IGSF21: variants seen among roughly 807,000 people sequenced by gnomAD.
IGSF21 encodes immunoglobin superfamily member 21.
Under a neutral mutation model 46.8 loss-of-function variants are expected in IGSF21, and 28 were observed. The observed-to-expected ratio is 0.60, with a 90% CI of 0.44 to 0.82. The LOEUF is 0.82. IGSF21 is among the 40% of genes least tolerant of loss of function. The probability of loss-of-function intolerance (pLI) is 0.00; values close to 1 mark genes in which losing one functional copy is unlikely to be tolerated. For missense variants in IGSF21, 624 were observed against 665.5 expected (o/e 0.94, Z 0.69); for synonymous variants, 284 against 273.6 (o/e 1.04, Z -0.38).
In IGSF21 at chr1:18,335,316, C is replaced by A. The variant is rs1242514939; in HGVS notation, c.424+306C>A. 6.6e-6 allele frequency among the ~76,000 whole-genome samples: 1 copy of A among 152,232 alleles called. No homozygotes were observed. Among genetic ancestry groups the A allele is most frequent in the Admixed American group, 6.5e-5 (1 of 15,288 alleles). ...CCTCAGCCGAGATGCACACCTGCTG[C>A]AGAGGGAACTATTCTGCCCCTCAGC... On this transcript the variant is annotated intron_variant, in intron 4 of 9. Transcript: ENST00000251296. This position sits in a 1 kb window ranked among gnomAD's most constrained non-coding sequence, Gnocchi z 4.8.
Position 18,281,120 on chromosome 1 carries a change from CGAATGAAT to C in IGSF21, c.184-10730_184-10723del, listed in dbSNP as rs10652866. Among the ~76,000 whole-genome samples the C allele has an allele frequency of 1.1e-4, 12 of 110,784 alleles. No homozygotes were observed. In the Admixed American group the frequency reaches 1.1e-3, roughly 11 times the overall value. The allele number at this position is 110,784 out of a possible 152,430, so 72.7% of individuals were successfully genotyped here. A position where few individuals can be genotyped will look rare whatever the true frequency, so the allele number is the denominator to read the frequency against. The stretch of plus-strand genomic sequence containing the variant: ...AGGTGTTTATGAATGAAGAAATGAA[CGAATGAAT>C]GAATGAATGAATGAACAGGCAAGTG... On this transcript the variant is annotated intron_variant, in intron 2 of 9. Transcript: ENST00000251296.
At chr1:18,249,929 C>T (rs916893672) in intron 2 of IGSF21, among the ~76,000 whole-genome samples, 6 of 152,248 alleles carry the variant, frequency 3.9e-5, no homozygotes, top group Admixed American at 2.0e-4. Flanking sequence ...ACTCTGCTGC[C>T]GGCTCTGCCA....
intron 1 of IGSF21, among the ~76,000 whole-genome samples, chr1:18,185,073 C>T (rs2086890932): frequency 1.3e-5 from 2 of 152,212 alleles, no homozygotes; most frequent in Non-Finnish European, 2.9e-5. Flanking sequence ...GTCATAATTA[C>T]TCATGCATGG....
chr1:18,248,295 A>T (rs2084803637), intron 2 of IGSF21, among the ~76,000 whole-genome samples: 1 of 152,216 alleles, frequency 6.6e-6, no homozygotes, highest in Non-Finnish European at 1.5e-5. Flanking sequence ...ACTGCAACGC[A>T]TTTCGAGCTG....
intron 1 of IGSF21, among the ~76,000 whole-genome samples, chr1:18,206,520 G>A (rs1193590365): frequency 6.6e-6 from 1 of 151,100 alleles, no homozygotes; most frequent in Non-Finnish European, 1.5e-5. Flanking sequence ...CTGCATTCTG[G>A]CCTAGGTAAT....
chr1:18,152,287 T>C (rs776843714), intron 1 of IGSF21, among the ~76,000 whole-genome samples: 5 of 152,028 alleles, frequency 3.3e-5, no homozygotes, highest in Non-Finnish European at 7.4e-5. Flanking sequence ...CATGCCTGAG[T>C]CTGGAGGTGG....
intron 4 of IGSF21, among the ~76,000 whole-genome samples, chr1:18,350,963 T>C (rs1311358241): frequency 6.6e-6 from 1 of 151,326 alleles, no homozygotes; most frequent in Non-Finnish European, 1.5e-5. Flanking sequence ...AGACTGGGAG[T>C]GGCTCAGAGC....
At chr1:18,210,065 C>A (rs990306318) in intron 1 of IGSF21, among the ~76,000 whole-genome samples, 1 of 152,260 alleles carries the variant, frequency 6.6e-6, no homozygotes, top group Admixed American at 6.5e-5. Flanking sequence ...GAATCAGGTA[C>A]AAATAGCCTT....
At chr1:18,120,363 C>T (rs978931990) in intron 1 of IGSF21, among the ~76,000 whole-genome samples, 5 of 152,210 alleles carry the variant, frequency 3.3e-5, no homozygotes, top group African/African-American at 1.2e-4. Context: ...AATACCCCAA[C>T]TTTACCCTCT....
chr1:18,215,003 G>A (rs756159683), intron 1 of IGSF21, among the ~76,000 whole-genome samples: 1 of 152,300 alleles, frequency 6.6e-6, no homozygotes, highest in Non-Finnish European at 1.5e-5. Flanking sequence ...GCCTCCCAAA[G>A]TGCCAAGATT....
At chr1:18,330,131 C>T (rs184506775) in intron 3 of IGSF21, among the ~76,000 whole-genome samples, 11 of 152,350 alleles carry the variant, frequency 7.2e-5, no homozygotes, top group Non-Finnish European at 8.8e-5. Flanking sequence ...GCCTTCTATT[C>T]ATCATGCAGA....
chr1:18,182,769 G>A (rs373204507), intron 1 of IGSF21, among the ~76,000 whole-genome samples: 61 of 152,342 alleles, frequency 4.0e-4, no homozygotes, highest in African/African-American at 1.4e-3. Context: ...CTCGAGGGGG[G>A]TCATCCGTAT....
At chr1:18,272,224 T>C (rs964497637) in intron 2 of IGSF21, among the ~76,000 whole-genome samples, 2 of 148,556 alleles carry the variant, frequency 1.3e-5, no homozygotes, top group East Asian at 2.0e-4. Context: ...TAGAACAGTA[T>C]AGGGGAAACC....
intron 2 of IGSF21, among the ~76,000 whole-genome samples, chr1:18,267,638 C>T (rs994897135): frequency 1.1e-4 from 17 of 152,210 alleles, no homozygotes; most frequent in South Asian, 2.1e-4. Flanking sequence ...GGTAGCTCTG[C>T]GGCTGGACCT....
intron 1 of IGSF21, among the ~76,000 whole-genome samples, chr1:18,183,426 T>C (rs1009343410): frequency 5.9e-5 from 9 of 152,154 alleles, no homozygotes; most frequent in Non-Finnish European, 1.2e-4. Flanking sequence ...GTAGATAGGA[T>C]ATATGGCAGC....
intron 3 of IGSF21, among the ~76,000 whole-genome samples, chr1:18,330,244 A>G (rs573262): frequency 0.19 from 28,926 of 152,064 alleles, 5,126 homozygotes; most frequent in African/African-American, 0.47. Context: ...CTGAGAAGAG[A>G]TGGATTGGTC....
rs1032644929 is a variant in IGSF21, at chr1:18,335,314, T to C, written c.424+304T>C. Reference sequence around the variant, plus strand: ...CACCTCAGCCGAGATGCACACCTGCTGCAGAGGGAACTATTCTGCCCCTCA... The same window carrying C: ...CACCTCAGCCGAGATGCACACCTGCCGCAGAGGGAACTATTCTGCCCCTCA... On this transcript the variant is annotated intron_variant, in intron 4 of 9. Transcript: ENST00000251296. This position sits in a 1 kb window ranked among gnomAD's most constrained non-coding sequence, Gnocchi z 4.8. Among the ~76,000 whole-genome samples the C allele has an allele frequency of 1.3e-5, 2 of 152,184 alleles. No homozygotes were observed. The highest frequency in any genetic ancestry group is 1.3e-4 in the Admixed American group (2 of 15,280).
intron 2 of IGSF21, among the ~76,000 whole-genome samples, chr1:18,240,014 A>C (rs2084711065): frequency 6.6e-6 from 1 of 152,228 alleles, no homozygotes; most frequent in African/African-American, 2.4e-5. Flanking sequence ...GCTGTGGCTC[A>C]TGCCTGTAAT....
chr1:18,236,990 G>C (rs957214126), intron 2 of IGSF21, among the ~76,000 whole-genome samples: 2 of 152,180 alleles, frequency 1.3e-5, no homozygotes, highest in Non-Finnish European at 2.9e-5. Context: ...GTCTAGTAAA[G>C]AGTTTTGAGC....
Sources: gnomAD v4.1 joint callset for allele counts (sites outside exome capture counted in the v4.1 genomes callset) on GRCh38, gnomAD v4.1.1 for gene constraint, Gnocchi (gnomAD v3.1) non-coding constraint, MANE v1.5 for transcripts, NCBI Gene and HGNC (gene_info 2026-07-23, HGNC 2026-07-21) for gene names.